Variants in CPQ observed in about 807,000 individuals in gnomAD.
The protein encoded by CPQ is carboxypeptidase Q, also known as Ser-Met dipeptidase.
A neutral mutation model predicts 45.7 loss-of-function variants in CPQ; 37 were observed. The observed-to-expected ratio is 0.81, with a 90% CI of 0.62 to 1.07. CPQ has a LOEUF of 1.07. Ranked by LOEUF, CPQ falls within the 50% of genes least tolerant of loss-of-function variation. CPQ has a pLI of 0.00. For missense variants in CPQ, 537 were observed against 572.9 expected (o/e 0.94, Z 0.64); for synonymous variants, 186 against 205.8 (o/e 0.90, Z 0.82).
chr8:96,853,862 A>G (rs979181703), intron 3 of CPQ, among the ~76,000 whole-genome samples: 3 of 152,212 alleles, frequency 2.0e-5, no homozygotes, highest in South Asian at 2.1e-4. Flanking sequence ...GGCAAAACCA[A>G]TGATGGTAAC....
At chr8:96,988,196 C>A (rs76248461) in intron 5 of CPQ, among the ~76,000 whole-genome samples, 3,797 of 152,148 alleles carry the variant, frequency 0.025, 100 homozygotes, top group African/African-American at 0.069. Context: ...TTTTTTCTTA[C>A]CCTTCACTTA....
At chr8:96,816,636 A>G (rs115957828) in intron 2 of CPQ, among the ~76,000 whole-genome samples, 232 of 152,310 alleles carry the variant, frequency 1.5e-3, no homozygotes, top group African/African-American at 5.3e-3. Context: ...TAGCCTTATG[A>G]AATGTATTTG....
At chr8:97,068,634 AAAAC>A (rs1368043369) in intron 7 of CPQ, among the ~76,000 whole-genome samples, 5 of 152,300 alleles carry the variant, frequency 3.3e-5, no homozygotes, top group East Asian at 1.9e-4. Flanking sequence ...ACTCCATCTG[AAAAC>A]AAACAAACAA....
intron 1 of CPQ, among the ~76,000 whole-genome samples, chr8:96,712,245 C>T (rs1257401343): frequency 6.6e-6 from 1 of 152,180 alleles, no homozygotes. Flanking sequence ...GCTTTCACAG[C>T]TGGTGATGAG....
chr8:97,036,360 C>T (rs10955096), intron 6 of CPQ, among the ~76,000 whole-genome samples: 24,027 of 152,134 alleles, frequency 0.16, 4,761 homozygotes, highest in African/African-American at 0.47. Flanking sequence ...TGATAAATTA[C>T]ATTTTTTAAA....
Position 97,040,239 on chromosome 8 carries a change from G to GCCACTGATGC in CPQ, c.1053+10745_1053+10746insCCACTGATGC, listed in dbSNP as rs1467195954. Reference sequence around the variant, plus strand: ...TGCATTTCTCTGATGGCCACTGATGGTGAGCATTTTTTCATGTGTCTGTTT... The same window carrying GCCACTGATGC: ...TGCATTTCTCTGATGGCCACTGATGGCCACTGATGCTGAGCATTTTTTCATGTGTCTGTTT... On this transcript the variant is annotated intron_variant, in intron 6 of 7. Transcript: ENST00000220763. Among the ~76,000 whole-genome samples, 7 of 152,258 alleles carry GCCACTGATGC rather than the reference G, an allele frequency of 4.6e-5. No homozygotes were observed. The South Asian group carries it at 1.2e-3, about 27-fold the overall frequency.
At chr8:96,833,977 G>A (rs1383002929) in intron 2 of CPQ, among the ~76,000 whole-genome samples, 3 of 152,188 alleles carry the variant, frequency 2.0e-5, no homozygotes, top group African/African-American at 7.2e-5. Context: ...GGAAATATAT[G>A]TTGATACTTT....
At chr8:96,736,483 C>T (rs1486747717) in intron 1 of CPQ, among the ~76,000 whole-genome samples, 1 of 152,172 alleles carries the variant, frequency 6.6e-6, no homozygotes, top group Non-Finnish European at 1.5e-5. Flanking sequence ...TATCATATTG[C>T]ATAAGTCATA....
Position 97,004,421 on chromosome 8 carries a change from A to T in CPQ, c.962-24982A>T, listed in dbSNP as rs1451868877. Among the ~76,000 whole-genome samples, 3 of 152,144 alleles carry T rather than the reference A, an allele frequency of 2.0e-5. No homozygotes were observed. In the East Asian group the frequency reaches 5.8e-4, roughly 29 times the overall value. ...CAAAAAAACAGAATATTGGTAAGAG[A>T]GCAATGAAAAATGAGTTTTCATACA... On this transcript the variant is annotated intron_variant, in intron 5 of 7. Transcript: ENST00000220763.
chr8:97,017,118 C>T (rs1809594093), intron 5 of CPQ, among the ~76,000 whole-genome samples: 2 of 152,300 alleles, frequency 1.3e-5, no homozygotes, highest in South Asian at 4.1e-4. Context: ...AGATCATCTG[C>T]CCCTGAACAT....
At chr8:96,986,555 A>G (rs1259717690) in intron 5 of CPQ, among the ~76,000 whole-genome samples, 1 of 152,106 alleles carries the variant, frequency 6.6e-6, no homozygotes, top group Admixed American at 6.5e-5. Context: ...CTCTATTTTC[A>G]AATCTAAGCC....
At chr8:96,724,770 A>G (rs2130765567) in intron 1 of CPQ, among the ~76,000 whole-genome samples, 1 of 152,352 alleles carries the variant, frequency 6.6e-6, no homozygotes, top group Non-Finnish European at 1.5e-5. Context: ...TAAAATTCAT[A>G]TGGAACCAGA....
At chr8:96,723,822 A>G (rs1809797830) in intron 1 of CPQ, among the ~76,000 whole-genome samples, 1 of 152,140 alleles carries the variant, frequency 6.6e-6, no homozygotes, top group Non-Finnish European at 1.5e-5. Flanking sequence ...TCTCAAACAA[A>G]ACTAACTCTA....
At chr8:96,990,008 C>T (rs1809060518) in intron 5 of CPQ, among the ~76,000 whole-genome samples, 2 of 152,104 alleles carry the variant, frequency 1.3e-5, no homozygotes. Flanking sequence ...TCTCCAGACA[C>T]ATCTTCTCTT....
intron 1 of CPQ, among the ~76,000 whole-genome samples, chr8:96,717,430 A>G (rs182405309): frequency 1.5e-4 from 23 of 152,036 alleles, no homozygotes; most frequent in Middle Eastern, 3.4e-3. Flanking sequence ...CTATTTTTAT[A>G]CCAGTACCGT....
At chr8:97,056,280 G>A (rs1810455071) in intron 6 of CPQ, 1 of 152,120 alleles carries the variant, frequency 6.6e-6, no homozygotes, top group Non-Finnish European at 1.5e-5. Flanking sequence ...TATGAATTTG[G>A]AACTCATCAC....
At chr8:96,760,012 C>T (rs545457238) in intron 1 of CPQ, among the ~76,000 whole-genome samples, 1 of 152,194 alleles carries the variant, frequency 6.6e-6, no homozygotes, top group African/African-American at 2.4e-5. Flanking sequence ...TAGGACTATA[C>T]TGCAGTTGGA....
chr8:96,950,814 T>G (rs1460436713), intron 4 of CPQ, among the ~76,000 whole-genome samples: 1 of 152,140 alleles, frequency 6.6e-6, no homozygotes, highest in Non-Finnish European at 1.5e-5. Context: ...ACATCAACTC[T>G]GTGGACAGAT....
At chr8:96,729,365 G>T (rs1809881529) in intron 1 of CPQ, among the ~76,000 whole-genome samples, 1 of 152,140 alleles carries the variant, frequency 6.6e-6, no homozygotes, top group Non-Finnish European at 1.5e-5. Context: ...TCCTATGGCT[G>T]TCTTATTCAC....
Sources: allele counts gnomAD v4.1 joint callset (sites outside exome capture counted in the v4.1 genomes callset), GRCh38; gene constraint gnomAD v4.1.1; transcripts MANE v1.5; gene names NCBI Gene and HGNC (gene_info 2026-07-23, HGNC 2026-07-21).